Variants in TAX1BP1 observed in about 807,000 individuals in gnomAD.
TAX1BP1 encodes the protein tax1-binding protein 1.
TAX1BP1 carries 62 observed loss-of-function variants against 97.7 expected under a neutral mutation model. The ratio of observed to expected loss-of-function variants is 0.63; its 90% CI spans 0.52 to 0.78. The LOEUF (loss-of-function observed/expected upper bound fraction) is 0.78, where lower values mean the gene tolerates loss of function less well. Ranked by LOEUF, TAX1BP1 falls within the 30% of genes least tolerant of loss-of-function variation. The pLI is 0.00. For missense variants in TAX1BP1, 867 were observed against 916.1 expected (o/e 0.95, Z 0.69); for synonymous variants, 340 against 304.2 (o/e 1.12, Z -1.23).
chr7:27,822,437 C>A (rs1024700372), intron 15 of TAX1BP1, among the ~76,000 whole-genome samples: 2 of 152,126 alleles, frequency 1.3e-5, no homozygotes, highest in South Asian at 4.1e-4. Flanking sequence ...TTACCTAAAC[C>A]TTTTGAAAAA....
chr7:27,786,882 A>G (rs943519566), intron 7 of TAX1BP1, among the ~76,000 whole-genome samples: 19 of 152,232 alleles, frequency 1.2e-4, no homozygotes, highest in African/African-American at 3.9e-4. Flanking sequence ...TATGTGTGTT[A>G]GGAGCAAATC....
At chr7:27,798,023 A>G (rs1790000872) in intron 12 of TAX1BP1, among the ~76,000 whole-genome samples, 1 of 152,074 alleles carries the variant, frequency 6.6e-6, no homozygotes, top group South Asian at 2.1e-4. Flanking sequence ...CGTTATCCTT[A>G]TCTCTAGGAA....
intron 11 of TAX1BP1, among the ~76,000 whole-genome samples, chr7:27,795,596 AG>A (rs1194099944): frequency 6.6e-6 from 1 of 152,194 alleles, no homozygotes; most frequent in Non-Finnish European, 1.5e-5. Flanking sequence ...TCTGTCCCCC[AG>A]GCTGGAGTGC....
At chr7:27,791,816 G>A (rs1214414113) in intron 8 of TAX1BP1, among the ~76,000 whole-genome samples, 190 bp from the exon 9 acceptor site, 2 of 152,112 alleles carry the variant, frequency 1.3e-5, no homozygotes, top group Non-Finnish European at 2.9e-5. Flanking sequence ...CAAGTACATA[G>A]GGTTGTTATA....
chr7:27,770,609 T>C (rs1251947853), intron 5 of TAX1BP1, among the ~76,000 whole-genome samples: 2 of 152,076 alleles, frequency 1.3e-5, no homozygotes, highest in Non-Finnish European at 2.9e-5. Flanking sequence ...TATCCTTTTG[T>C]CCAACAAGGC....
chr7:27,780,107 C>A (rs1789195211), intron 5 of TAX1BP1, among the ~76,000 whole-genome samples: 1 of 152,180 alleles, frequency 6.6e-6, no homozygotes, highest in African/African-American at 2.4e-5. Flanking sequence ...GTCTCTGCCA[C>A]AACACACAAC....
At chr7:27,797,344 G>A (rs1215757856) in intron 12 of TAX1BP1, among the ~76,000 whole-genome samples, 1 of 152,038 alleles carries the variant, frequency 6.6e-6, no homozygotes, top group Non-Finnish European at 1.5e-5. Context: ...CTGGTTTGCA[G>A]CCTTCTTGGT....
chr7:27,820,453 G>T (rs1043139869), intron 15 of TAX1BP1, among the ~76,000 whole-genome samples: 2 of 152,066 alleles, frequency 1.3e-5, no homozygotes, highest in African/African-American at 4.8e-5. Flanking sequence ...CATTTATCAT[G>T]TTGCACTGTT....
intron 15 of TAX1BP1, among the ~76,000 whole-genome samples, chr7:27,822,768 T>A (rs1791025969): frequency 6.6e-6 from 1 of 152,238 alleles, no homozygotes; most frequent in Non-Finnish European, 1.5e-5. Context: ...ACGATGGTGC[T>A]CTTTGCAGCA....
chr7:27,747,612 C>T (rs1562695124), intron 1 of TAX1BP1, among the ~76,000 whole-genome samples: 1 of 151,984 alleles, frequency 6.6e-6, no homozygotes, highest in Non-Finnish European at 1.5e-5. Flanking sequence ...TCAAGTAGAC[C>T]AGCTAAGATT....
At chr7:27,797,004 A>G (rs529528055) in intron 12 of TAX1BP1, among the ~76,000 whole-genome samples, 3 of 147,916 alleles carry the variant, frequency 2.0e-5, no homozygotes, top group African/African-American at 7.4e-5. Context: ...ATTTTATTTT[A>G]TTTTTTTTTT....
intron 2 of TAX1BP1, among the ~76,000 whole-genome samples, chr7:27,749,180 A>C (rs561892357): frequency 6.6e-6 from 1 of 152,038 alleles, no homozygotes; most frequent in South Asian, 2.1e-4. Context: ...TGAATAGTAA[A>C]CTCTTTGATG....
At chr7:27,779,560 T>C (rs1789172483) in intron 5 of TAX1BP1, among the ~76,000 whole-genome samples, 1 of 152,242 alleles carries the variant, frequency 6.6e-6, no homozygotes, top group South Asian at 2.1e-4. Flanking sequence ...GATGCATATC[T>C]TATACTTTAT....
intron 5 of TAX1BP1, among the ~76,000 whole-genome samples, 174 bp from the exon 6 acceptor site, chr7:27,784,989 A>G (rs1562719800): frequency 6.6e-6 from 1 of 152,188 alleles, no homozygotes. Flanking sequence ...TTAGTATATG[A>G]AAATTTAAAT....
chr7:27,786,528 T>A (rs1355384155), intron 7 of TAX1BP1, among the ~76,000 whole-genome samples: 1 of 152,188 alleles, frequency 6.6e-6, no homozygotes, highest in African/African-American at 2.4e-5. Context: ...AAGTGGCTCA[T>A]AAGCATTTCC....
At chr7:27,766,375 G>A (rs1395788314) in intron 4 of TAX1BP1, among the ~76,000 whole-genome samples, 5 of 128,018 alleles carry the variant, frequency 3.9e-5, no homozygotes, top group Non-Finnish European at 7.8e-5. Flanking sequence ...AGCCAAGATC[G>A]TGCCACTGCA....
chr7:27,755,649 T>G (rs1361199805), intron 2 of TAX1BP1, among the ~76,000 whole-genome samples: 1 of 152,244 alleles, frequency 6.6e-6, no homozygotes, highest in East Asian at 1.9e-4. Context: ...CCTTGTTTAA[T>G]TTCCATTTTC....
At chr7:27,754,695 C>T (rs1415036153) in intron 2 of TAX1BP1, among the ~76,000 whole-genome samples, 2 of 152,064 alleles carry the variant, frequency 1.3e-5, no homozygotes, top group Non-Finnish European at 2.9e-5. Flanking sequence ...GCCTCAGCCT[C>T]CTGAGTAGCT....
chr7:27,825,828 T>C (rs1791157458), intron 15 of TAX1BP1, among the ~76,000 whole-genome samples: 1 of 152,184 alleles, frequency 6.6e-6, no homozygotes, highest in Non-Finnish European at 1.5e-5. Flanking sequence ...TTTGGTTCCA[T>C]TACATTTTTG....
Sources: gnomAD v4.1 joint callset for allele counts (sites outside exome capture counted in the v4.1 genomes callset) on GRCh38, gnomAD v4.1.1 for gene constraint, MANE v1.5 for transcripts, NCBI Gene and HGNC (gene_info 2026-07-23, HGNC 2026-07-21) for gene names.